ZNF106: variants seen among roughly 807,000 people sequenced by gnomAD.
ZNF106 encodes SH3-domain binding protein 3.
A neutral mutation model predicts 195.1 loss-of-function variants in ZNF106; 67 were observed. The ratio of observed to expected loss-of-function variants is 0.34; its 90% CI spans 0.28 to 0.42. The LOEUF (loss-of-function observed/expected upper bound fraction) is 0.42. Among genes scored for constraint, ZNF106 ranks in the 10% least tolerant of loss-of-function variants. ZNF106 has a pLI of 1.00. For synonymous variants in ZNF106, 784 were observed against 818.6 expected, an observed-to-expected ratio of 0.96 and a Z score of 0.72; for missense variants, 2,118 against 2,304.5, an observed-to-expected ratio of 0.92 and a Z score of 1.66.
At chr15:42,429,647 G>GA (rs1247884947) in intron 14 of ZNF106, among the ~76,000 whole-genome samples, 3 of 151,776 alleles carry the variant, frequency 2.0e-5, no homozygotes, top group Admixed American at 6.6e-5. Flanking sequence ...TTTCTCCCCT[G>GA]AAAAAATCAC....
rs1365546796 is a variant in ZNF106, at chr15:42,448,109, T to C, written c.3098A>G (p.Asp1033Gly). The C allele has an allele frequency of 1.2e-6, 2 of 1,613,840 alleles. No individual in the cohort carries two copies. Among genetic ancestry groups the C allele is most frequent in the Admixed American group, 3.3e-5 (2 of 60,002 alleles). Residue 1033 changes from aspartate (D) to glycine (G), a missense_variant, in exon 6 of 22, where the codon GAT becomes GGT. Physicochemically the swap from Asp to Gly is moderately conservative, Grantham distance 94. Transcript: ENST00000564754. ...TCGTTTCTTTCTAATACTTTGGCCA[T>C]CATTTTGTTCAGCACCAGAGGTACA... ...SSCTSGAEQN[D>G]GQSIRKKRRA...
intron 4 of ZNF106, 59 bp from the exon 5 acceptor site, chr15:42,452,013 G>A: frequency 6.6e-7 from 1 of 1,525,142 alleles, no homozygotes; most frequent in Admixed American, 2.1e-5. Flanking sequence ...TACCTTGAAA[G>A]GCATAACCCA....
chr15:42,489,574 T>A (rs776936336), intron 1 of ZNF106, among the ~76,000 whole-genome samples: 5 of 152,204 alleles, frequency 3.3e-5, no homozygotes, highest in Non-Finnish European at 7.3e-5. Flanking sequence ...ACTCTAGGCA[T>A]GGCGCGGTAT....
In ZNF106 at chr15:42,413,577, T is replaced by C. The variant is rs921517340; in HGVS notation, c.*3727A>G. On this transcript the variant is annotated 3_prime_UTR_variant, in exon 22 of 22. Transcript: ENST00000564754. ...TAAACCATTCCACTAAGTATATACC[T>C]ACTCCCACCAAATCATCCACATGCC... is the stretch of plus-strand genomic sequence containing the variant. The C allele has an allele frequency of 1.3e-5, 2 of 152,638 alleles. No homozygotes were observed. The highest frequency in any genetic ancestry group is 3.2e-3 in the Middle Eastern group (1 of 316). 9.5% of individuals were successfully genotyped at this position (152,638 alleles called of 1,614,324 possible).
chr15:42,420,422 C>T (rs778708186), intron 20 of ZNF106, among the ~76,000 whole-genome samples: 1 of 152,024 alleles, frequency 6.6e-6, no homozygotes, highest in African/African-American at 2.4e-5. Context: ...CTTGCCTTCA[C>T]TGAGAAAATT....
At chr15:42,431,981 G>C (rs2055063982) in intron 14 of ZNF106, among the ~76,000 whole-genome samples, 1 of 152,128 alleles carries the variant, frequency 6.6e-6, no homozygotes, top group African/African-American at 2.4e-5. Flanking sequence ...ATTGAGAAAG[G>C]GTTGTTAATG....
chr15:42,418,007 C>G (rs1456672973), intron 20 of ZNF106, 56 bp from the exon 21 acceptor site: 1 of 1,567,884 alleles, frequency 6.4e-7, no homozygotes. Flanking sequence ...GAACGTGAAT[C>G]AGAACAGCCC....
chr15:42,415,385 G>C lies in ZNF106; in HGVS notation c.*1919C>G. On this transcript the variant is annotated 3_prime_UTR_variant, in exon 22 of 22. Coordinates refer to ENST00000564754, the MANE Select transcript of ZNF106 (RefSeq NM_001366845.3). Reference sequence around the variant, plus strand: ...GATCCACCCGCCTCGGCCTCCCAAAGAGCTGGGATTACAGGTGTGAGCCAC... The same window carrying C: ...GATCCACCCGCCTCGGCCTCCCAAACAGCTGGGATTACAGGTGTGAGCCAC... The C allele has an allele frequency of 2.2e-6, 1 of 452,982 alleles. No homozygotes were observed. The highest frequency in any genetic ancestry group is 4.4e-6 in the Non-Finnish European group (1 of 225,462). The allele number at this position is 452,982 out of a possible 1,614,324, so 28.1% of individuals were successfully genotyped here. A position where few individuals can be genotyped will look rare whatever the true frequency, so the allele number is the denominator to read the frequency against.
At chr15:42,437,783 T>G (rs1031672062) in intron 12 of ZNF106, among the ~76,000 whole-genome samples, 4 of 151,514 alleles carry the variant, frequency 2.6e-5, no homozygotes, top group Admixed American at 1.3e-4. Context: ...AGCGTGAGCC[T>G]GTAGTCCCAG....
chr15:42,450,444 C>T lies in ZNF106; in HGVS notation c.1828G>A (p.Glu610Lys), dbSNP rs1170902147. 1.9e-6 allele frequency: 3 copies of T among 1,614,082 alleles called. No individual in the cohort carries two copies. The highest frequency in any genetic ancestry group is 2.5e-6 in the Non-Finnish European group (3 of 1,180,058). Residue 610 changes from glutamate to lysine, a missense_variant, in exon 5 of 22, where the codon GAA (glutamate) becomes AAA (lysine). Transcript: ENST00000564754. ...GATGTCTCTCCATCACTTTCATCTT[C>T]TAGTGCGTGCACTTGAAACTCAATT... ...LKIEFQVHALEDESDGETSDT... is the reference protein window; with the variant it reads ...LKIEFQVHALKDESDGETSDT...
At chr15:42,462,967 GTT>G (rs11332297) in intron 3 of ZNF106, among the ~76,000 whole-genome samples, 3 of 145,854 alleles carry the variant, frequency 2.1e-5, no homozygotes, top group East Asian at 2.0e-4. Context: ...TTTGTTTTTT[GTT>G]TTTTTTTTTG....
chr15:42,466,689 T>C (rs977946275), intron 2 of ZNF106, among the ~76,000 whole-genome samples: 7 of 152,226 alleles, frequency 4.6e-5, no homozygotes, highest in African/African-American at 1.4e-4. Flanking sequence ...ACTTTGAACA[T>C]AGCAGCTTAA....
chr15:42,449,404 C>T (rs1203577526), intron 5 of ZNF106, among the ~76,000 whole-genome samples: 1 of 152,152 alleles, frequency 6.6e-6, no homozygotes, highest in Admixed American at 6.5e-5. Flanking sequence ...AAAGTTATAG[C>T]ACGCATTCCA....
intron 14 of ZNF106, among the ~76,000 whole-genome samples, chr15:42,432,956 TTTTGA>T (rs1307734501): frequency 6.6e-6 from 1 of 152,168 alleles, no homozygotes; most frequent in Admixed American, 6.5e-5. Context: ...AATTTCTGTC[TTTTGA>T]TTTTAGTGTC....
At chr15:42,446,978 T>C (rs1019539565) in intron 6 of ZNF106, among the ~76,000 whole-genome samples, 6 of 152,208 alleles carry the variant, frequency 3.9e-5, no homozygotes, top group African/African-American at 1.4e-4. Flanking sequence ...GTAAAATAAA[T>C]ATATCTGATT....
Position 42,448,608 on chromosome 15 carries a change from C to CCCA in ZNF106, c.2596_2598dup (p.Trp866dup). 2 of 1,614,108 alleles carry CCCA rather than the reference C, an allele frequency of 1.2e-6. No individual in the cohort carries two copies. Among genetic ancestry groups the CCCA allele is most frequent in the Non-Finnish European group, 1.7e-6 (2 of 1,180,016 alleles). On this transcript the variant is annotated inframe_insertion, in exon 6 of 22. Coordinates refer to ENST00000564754, the MANE Select transcript of ZNF106 (RefSeq NM_001366845.3). ...GGGGACGAGGAAATGGAAACACCTT[C>CCCA]CCACTGGAATCCTTCTAGACTGGAC...
chr15:42,451,467 G>C lies in ZNF106; in HGVS notation c.805C>G (p.Pro269Ala), dbSNP rs752410544. The C allele has an allele frequency of 6.2e-7, 1 of 1,614,154 alleles. No individual in the cohort carries two copies. The highest frequency in any genetic ancestry group is 8.5e-7 in the Non-Finnish European group (1 of 1,180,036). Residue 269 changes from proline (P) to alanine (A), a missense_variant, in exon 5 of 22, where the codon CCA becomes GCA. Pro to Ala is a conservative substitution (Grantham distance 27). Transcript: ENST00000564754. ...CAGTTAGAATTTCTGTTTCTGCCTG[G>C]TTGAAATTTGTCTCCAGGGCCACTG... is the stretch of plus-strand genomic sequence containing the variant. ...NYSGPGDKFQ[P>A]GRNRNSNCQM...
At chr15:42,483,527 C>CA (rs1475411670) in intron 1 of ZNF106, among the ~76,000 whole-genome samples, 2 of 152,192 alleles carry the variant, frequency 1.3e-5, no homozygotes, top group African/African-American at 4.8e-5. Flanking sequence ...TCTAAACATA[C>CA]ACATACATGG....
chr15:42,445,331 C>A (rs2055730738), intron 7 of ZNF106, among the ~76,000 whole-genome samples: 1 of 152,214 alleles, frequency 6.6e-6, no homozygotes, highest in Non-Finnish European at 1.5e-5. Flanking sequence ...ACTGTCTTCA[C>A]ACAGGACTTT....
Sources: gnomAD v4.1 joint callset for allele counts (sites outside exome capture counted in the v4.1 genomes callset) on GRCh38, gnomAD v4.1.1 for gene constraint, MANE v1.5 for transcripts, NCBI Gene and HGNC (gene_info 2026-07-23, HGNC 2026-07-21) for gene names.